CSGALNACT1: variants seen among roughly 807,000 people sequenced by gnomAD.
The protein encoded by CSGALNACT1 is beta4GalNAcT-1.
A neutral mutation model predicts 51.0 loss-of-function variants in CSGALNACT1; 52 were observed. That is an observed-to-expected ratio of 1.02 (90% CI 0.82 to 1.29). The LOEUF (loss-of-function observed/expected upper bound fraction) is 1.29. Among genes scored for constraint, CSGALNACT1 ranks in the 50% most tolerant of loss-of-function variants. CSGALNACT1 has a pLI of 0.00. For synonymous variants in CSGALNACT1, 341 were observed against 254.4 expected (o/e 1.34, Z -3.24); for missense variants, 935 against 679.2 (o/e 1.38, Z -4.19).
intron 1 of CSGALNACT1, among the ~76,000 whole-genome samples, chr8:19,657,796 G>A (rs951364545): frequency 6.6e-6 from 1 of 152,034 alleles, no homozygotes; most frequent in African/African-American, 2.4e-5. Context: ...AAATTATATG[G>A]GTTTTTATAG....
intron 1 of CSGALNACT1, among the ~76,000 whole-genome samples, chr8:19,671,223 A>T (rs1302005678): frequency 6.6e-6 from 1 of 152,038 alleles, no homozygotes. Context: ...TAAGCACAGA[A>T]CCCATGCCAG....
intron 3 of CSGALNACT1, among the ~76,000 whole-genome samples, chr8:19,511,660 T>C (rs558635694): frequency 6.6e-6 from 1 of 152,294 alleles, no homozygotes; most frequent in African/African-American, 2.4e-5. Context: ...TTCATACCAC[T>C]GTGTGTCTGC....
intron 3 of CSGALNACT1, among the ~76,000 whole-genome samples, chr8:19,529,460 G>C (rs2082319389): frequency 1.3e-5 from 2 of 152,148 alleles, no homozygotes; most frequent in Admixed American, 1.3e-4. Flanking sequence ...GCTAAATCAA[G>C]AAGAAGCTCT....
intron 4 of CSGALNACT1, among the ~76,000 whole-genome samples, chr8:19,473,213 T>G (rs1291855740): frequency 1.3e-5 from 2 of 152,234 alleles, no homozygotes; most frequent in Non-Finnish European, 2.9e-5. Flanking sequence ...ATATGTAATA[T>G]TCGGGTCAAG....
At chr8:19,579,213 T>C (rs960626601) in intron 3 of CSGALNACT1, among the ~76,000 whole-genome samples, 3 of 152,224 alleles carry the variant, frequency 2.0e-5, no homozygotes, top group Non-Finnish European at 4.4e-5. Context: ...CCCACTTTGA[T>C]CTGGCCCCAG....
chr8:19,631,134 G>C (rs2055197484), intron 1 of CSGALNACT1, among the ~76,000 whole-genome samples: 1 of 152,040 alleles, frequency 6.6e-6, no homozygotes, highest in African/African-American at 2.4e-5. Flanking sequence ...TCCAAATTTT[G>C]GCAATTATGA....
At chr8:19,738,105 A>G (rs1345553633) in intron 1 of CSGALNACT1, among the ~76,000 whole-genome samples, 1 of 152,198 alleles carries the variant, frequency 6.6e-6, no homozygotes, top group African/African-American at 2.4e-5. Flanking sequence ...TTGCACCTGT[A>G]ATTCTCAGCT....
At chr8:19,449,641 T>C (rs1263540658) in intron 5 of CSGALNACT1, among the ~76,000 whole-genome samples, 2 of 152,156 alleles carry the variant, frequency 1.3e-5, no homozygotes, top group Non-Finnish European at 2.9e-5. Flanking sequence ...AAAATTCAAG[T>C]ACAAGATTTC....
chr8:19,518,808 T>C (rs988951895), intron 3 of CSGALNACT1, among the ~76,000 whole-genome samples: 4 of 152,048 alleles, frequency 2.6e-5, no homozygotes, highest in African/African-American at 7.2e-5. Flanking sequence ...AGATGCTGAG[T>C]GTAGACATCA....
intron 1 of CSGALNACT1, among the ~76,000 whole-genome samples, chr8:19,620,031 G>A (rs2053610149): frequency 6.6e-6 from 1 of 152,124 alleles, no homozygotes; most frequent in South Asian, 2.1e-4. Context: ...GAAGAAAGCA[G>A]GCTGGGCATA....
intron 3 of CSGALNACT1, among the ~76,000 whole-genome samples, chr8:19,531,147 A>G (rs993036037): frequency 6.6e-6 from 1 of 152,234 alleles, no homozygotes; most frequent in African/African-American, 2.4e-5. Context: ...GAAACTCTTC[A>G]GAGATAGAGC....
At chr8:19,420,313 T>C in intron 7 of CSGALNACT1, 27 bp downstream of exon 6, 1 of 1,612,804 alleles carries the variant, frequency 6.2e-7, no homozygotes, top group East Asian at 2.2e-5. Context: ...GGGGGCCACC[T>C]GAGCGTGACA....
chr8:19,646,597 AGT>A (rs2057301436), intron 1 of CSGALNACT1, among the ~76,000 whole-genome samples: 2 of 152,190 alleles, frequency 1.3e-5, no homozygotes, highest in African/African-American at 4.8e-5. Context: ...AGAATACCAT[AGT>A]GGATAAGGAA....
At chr8:19,478,539 C>T (rs920974694) in intron 4 of CSGALNACT1, among the ~76,000 whole-genome samples, 1 of 151,520 alleles carries the variant, frequency 6.6e-6, no homozygotes, top group Non-Finnish European at 1.5e-5. Flanking sequence ...GCCCAGGTTG[C>T]AAAGTATCAC....
At chr8:19,573,708 C>A (rs1365927154) in intron 3 of CSGALNACT1, among the ~76,000 whole-genome samples, 2 of 152,008 alleles carry the variant, frequency 1.3e-5, no homozygotes, top group Non-Finnish European at 2.9e-5. Flanking sequence ...CCTCCCATAC[C>A]AATCTCTCTT....
chr8:19,599,817 A>G (rs1445392158), intron 2 of CSGALNACT1, among the ~76,000 whole-genome samples: 6 of 152,184 alleles, frequency 3.9e-5, no homozygotes, highest in Non-Finnish European at 8.8e-5. Context: ...GAACTTCACC[A>G]GACTTGAAAG....
chr8:19,594,051 G>C (rs999879126), intron 2 of CSGALNACT1, among the ~76,000 whole-genome samples: 1 of 152,200 alleles, frequency 6.6e-6, no homozygotes, highest in African/African-American at 2.4e-5. Flanking sequence ...ATGGTCAGGA[G>C]TGTGCATCTC....
intron 1 of CSGALNACT1, among the ~76,000 whole-genome samples, chr8:19,665,237 GAA>G (rs985608488): frequency 4.6e-5 from 7 of 151,860 alleles, no homozygotes; most frequent in African/African-American, 1.7e-4. Context: ...CAAAATCAAA[GAA>G]AAAAATACCA....
intron 3 of CSGALNACT1, among the ~76,000 whole-genome samples, chr8:19,538,211 C>T (rs1331113316): frequency 1.3e-5 from 2 of 152,020 alleles, no homozygotes; most frequent in African/African-American, 4.8e-5. Context: ...TGCCTGTAGT[C>T]CCCTAGCTAC....
Sources: gnomAD v4.1 joint callset for allele counts (sites outside exome capture counted in the v4.1 genomes callset) on GRCh38, gnomAD v4.1.1 for gene constraint, MANE v1.5 for transcripts, NCBI Gene and HGNC (gene_info 2026-07-23, HGNC 2026-07-21) for gene names.